The following POLA1 variants were observed in gnomAD, a reference collection of about 807,000 sequenced individuals.
POLA1 encodes DNA polymerase alpha catalytic subunit.
Under a neutral mutation model 124.0 loss-of-function variants are expected in POLA1, and 15 were observed. The ratio of observed to expected loss-of-function variants is 0.12; its 90% CI spans 0.08 to 0.19. POLA1 has a LOEUF of 0.19. Among genes scored for constraint, POLA1 ranks in the 10% least tolerant of loss-of-function variants. The pLI is 1.00. For synonymous variants in POLA1, 408 were observed against 389.4 expected, an observed-to-expected ratio of 1.05 and a Z score of -0.56; for missense variants, 886 against 1,103.4, an observed-to-expected ratio of 0.80 and a Z score of 2.79.
At position 24,996,788 on chromosome X, in the gene POLA1, A is replaced by AG. The variant is rs1435892411; in HGVS notation, c.*840dup. ...TATTTTTTTCTCATTTCTTCACAAT[A>AG]GGACCGTCTTTGGCAGCAGCAAAAT... On this transcript the variant is annotated 3_prime_UTR_variant, in exon 37 of 37. Transcript: ENST00000379068. 1.8e-5 allele frequency: 2 copies of AG among 111,971 alleles called. No homozygotes were observed. Among genetic ancestry groups the AG allele is most frequent in the Non-Finnish European group, 3.8e-5 (2 of 53,279 alleles). The allele number at this position is 111,971 out of a possible 1,213,427, so 9.2% of individuals were successfully genotyped here.
chrX:24,910,814 G>T (rs1175961310), intron 35 of POLA1, among the ~76,000 whole-genome samples: 1 of 111,776 alleles, frequency 8.9e-6, no homozygotes, highest in Admixed American at 9.5e-5. Flanking sequence ...TCGCAAGCGT[G>T]ACACTACTCT....
At chrX:24,840,322 G>T (rs1287891683) in intron 32 of POLA1, among the ~76,000 whole-genome samples, 2 of 112,007 alleles carry the variant, frequency 1.8e-5, no homozygotes, top group Non-Finnish European at 3.8e-5. Flanking sequence ...CATTTATTTA[G>T]TGCTTGCCAC....
intron 26 of POLA1, among the ~76,000 whole-genome samples, chrX:24,809,619 G>C (rs764652054): frequency 2.6e-4 from 29 of 111,463 alleles, no homozygotes; most frequent in Non-Finnish European, 4.5e-4. Context: ...AATGAGAATA[G>C]TTTGCTTTTT....
intron 1 of POLA1, among the ~76,000 whole-genome samples, chrX:24,698,603 G>A (rs1431984536): frequency 8.9e-6 from 1 of 111,951 alleles, no homozygotes; most frequent in Non-Finnish European, 1.9e-5. Context: ...AGTTCTGTGA[G>A]TACAGAGACC....
chrX:24,707,438 A>C (rs1928883935), intron 4 of POLA1, among the ~76,000 whole-genome samples: 1 of 111,894 alleles, frequency 8.9e-6, no homozygotes, highest in Admixed American at 9.5e-5. Context: ...TCTTCCGAGT[A>C]ATAAGTTACT....
chrX:24,779,189 C>T (rs1422919361), intron 26 of POLA1, among the ~76,000 whole-genome samples: 1 of 110,794 alleles, frequency 9.0e-6, no homozygotes, highest in Non-Finnish European at 1.9e-5. Context: ...AGCAATTCTC[C>T]TGCCTCAGCT....
At position 24,693,959 on chromosome X, in the gene POLA1, A is replaced by C. The variant is rs1245992886; in HGVS notation, c.-3A>C. ...TTGGCGCGGAATCGGGAGATTCGGG[A>C]CCATGGCACCTGTGCACGGCGACGA... On this transcript the variant is annotated 5_prime_UTR_variant, in exon 1 of 37. Transcript: ENST00000379068. 5.0e-6 allele frequency: 6 copies of C among 1,193,347 alleles called. No homozygotes were observed. The highest frequency in any genetic ancestry group is 1.8e-5 in the African/African-American group (1 of 57,111).
intron 26 of POLA1, among the ~76,000 whole-genome samples, chrX:24,780,529 C>G (rs1163062907): frequency 9.0e-6 from 1 of 111,447 alleles, no homozygotes; most frequent in Non-Finnish European, 1.9e-5. Context: ...TTTTCAAATG[C>G]CTTTTCTATG....
At chrX:24,793,567 T>C (rs959739337) in intron 26 of POLA1, among the ~76,000 whole-genome samples, 3 of 110,709 alleles carry the variant, frequency 2.7e-5, no homozygotes, top group African/African-American at 9.9e-5. Flanking sequence ...AGGGTTGTTA[T>C]ATGAAGAGAG....
At chrX:24,876,744 T>C (rs2046941842) in intron 34 of POLA1, among the ~76,000 whole-genome samples, 2 of 111,087 alleles carry the variant, frequency 1.8e-5, no homozygotes, top group Non-Finnish European at 3.8e-5. Context: ...TCAGGGCTGT[T>C]TGTTGAATAT....
chrX:24,959,419 G>A (rs1037549276), intron 36 of POLA1, among the ~76,000 whole-genome samples: 4 of 106,828 alleles, frequency 3.7e-5, no homozygotes, highest in East Asian at 3.0e-4. Context: ...AGCCAAGAGC[G>A]CACCACTGCA....
At chrX:24,751,764 G>A (rs1932333740) in intron 26 of POLA1, among the ~76,000 whole-genome samples, 1 of 112,179 alleles carries the variant, frequency 8.9e-6, no homozygotes, top group African/African-American at 3.2e-5. Context: ...CTTTGGGTTA[G>A]CGTCTCTTAA....
chrX:24,841,257 G>T (rs2046404692), intron 32 of POLA1, among the ~76,000 whole-genome samples: 1 of 112,201 alleles, frequency 8.9e-6, no homozygotes, highest in African/African-American at 3.2e-5. Flanking sequence ...TGAAGGAGTT[G>T]TAATGGCAGT....
intron 25 of POLA1, 109 bp from the exon 26 acceptor site, chrX:24,748,761 A>G: frequency 1.3e-6 from 1 of 780,029 alleles, no homozygotes; most frequent in Non-Finnish European, 1.9e-6. Flanking sequence ...TTTTTTATTC[A>G]GGGATATTGA....
intron 34 of POLA1, among the ~76,000 whole-genome samples, chrX:24,876,681 CG>C (rs112538107): frequency 0.084 from 1,571 of 18,692 alleles, 15 homozygotes; most frequent in Non-Finnish European, 0.16. Flanking sequence ...TGTCTGGGGT[CG>C]GGGGGGGGGA....
intron 36 of POLA1, among the ~76,000 whole-genome samples, chrX:24,965,827 T>G (rs2048214938): frequency 8.9e-6 from 1 of 112,241 alleles, no homozygotes; most frequent in Admixed American, 9.5e-5. Flanking sequence ...TCTTTTTCAC[T>G]TGTATGTTTT....
intron 36 of POLA1, among the ~76,000 whole-genome samples, chrX:24,939,558 A>G (rs971775125): frequency 2.7e-5 from 3 of 111,541 alleles, no homozygotes; most frequent in African/African-American, 9.8e-5. Context: ...TAAAAACTTT[A>G]TGAAATTTCA....
intron 34 of POLA1, among the ~76,000 whole-genome samples, chrX:24,866,444 T>C (rs2046796185): frequency 8.9e-6 from 1 of 111,880 alleles, no homozygotes; most frequent in Admixed American, 9.5e-5. Context: ...TAGAGATCCC[T>C]AAGGTTGACT....
At chrX:24,879,637 G>C (rs938565125) in intron 34 of POLA1, among the ~76,000 whole-genome samples, 1 of 111,748 alleles carries the variant, frequency 8.9e-6, no homozygotes, top group Non-Finnish European at 1.9e-5. Context: ...GCAAGGTACT[G>C]TGTACTTAGT....
Sources: allele counts gnomAD v4.1 joint callset (sites outside exome capture counted in the v4.1 genomes callset), GRCh38; gene constraint gnomAD v4.1.1; transcripts MANE v1.5; gene names NCBI Gene and HGNC (gene_info 2026-07-23, HGNC 2026-07-21).